DPYD: variants seen among roughly 807,000 people sequenced by gnomAD.
DPYD encodes dihydropyrimidine dehydrogenase [NADP(+)].
DPYD carries 109 observed loss-of-function variants against 116.2 expected under a neutral mutation model. The observed-to-expected ratio is 0.94, with a 90% confidence interval of 0.80 to 1.10. DPYD has a LOEUF of 1.10. Among genes scored for constraint, DPYD ranks in the 50% least tolerant of loss-of-function variants. DPYD has a pLI of 0.00. For synonymous variants in DPYD, 440 were observed against 432.0 expected, an observed-to-expected ratio of 1.02 and a Z score of -0.23; for missense variants, 1,302 against 1,254.5, an observed-to-expected ratio of 1.04 and a Z score of -0.57.
At chr1:97,298,757 C>T (rs112527947) in intron 18 of DPYD, among the ~76,000 whole-genome samples, 5 of 152,198 alleles carry the variant, frequency 3.3e-5, no homozygotes, top group African/African-American at 1.2e-4. Flanking sequence ...TCCAGTCATG[C>T]TCTCCTTTCC....
At chr1:97,212,789 A>G (rs1486038320) in intron 19 of DPYD, among the ~76,000 whole-genome samples, 2 of 152,134 alleles carry the variant, frequency 1.3e-5, no homozygotes, top group Non-Finnish European at 2.9e-5. Context: ...AACATAGTGT[A>G]CCGGTTAAAA....
rs1670893906 is a variant in DPYD at position 97,857,328 on chromosome 1, T to G, written c.150+25936A>C. The stretch of plus-strand genomic sequence containing the variant: ...CCTAAAATCCTTGGAATCTCCAAAG[T>G]GCTTTCTTTTTGTATATTAATGTTG... On this transcript the variant is annotated intron_variant, in intron 2 of 22. Coordinates refer to ENST00000370192, the MANE Select transcript of DPYD (RefSeq NM_000110.4). Among the ~76,000 whole-genome samples the G allele has an allele frequency of 1.3e-5, 2 of 152,180 alleles. 1 individual carries two copies. The highest frequency in any genetic ancestry group is 3.9e-4 in the East Asian group (2 of 5,184).
At chr1:97,698,691 T>G (rs889940031) in intron 6 of DPYD, among the ~76,000 whole-genome samples, 1 of 151,940 alleles carries the variant, frequency 6.6e-6, no homozygotes, top group African/African-American at 2.4e-5. Flanking sequence ...TTCTTTATTT[T>G]GTATAAAATG....
intron 13 of DPYD, among the ~76,000 whole-genome samples, chr1:97,504,535 A>C (rs965002387): frequency 6.6e-6 from 1 of 152,018 alleles, no homozygotes; most frequent in Non-Finnish European, 1.5e-5. Flanking sequence ...CTAGAGAGCA[A>C]GCTATGACCA....
At chr1:97,766,641 A>G (rs1665872619) in intron 3 of DPYD, among the ~76,000 whole-genome samples, 1 of 152,160 alleles carries the variant, frequency 6.6e-6, no homozygotes, top group Non-Finnish European at 1.5e-5. Context: ...GGGTGCTTCT[A>G]GAAATCTTAA....
intron 18 of DPYD, among the ~76,000 whole-genome samples, chr1:97,235,478 A>G (rs1970142): frequency 0.74 from 112,524 of 151,984 alleles, 43,058 homozygotes; most frequent in East Asian, 0.99. Context: ...ATAAACATTA[A>G]CCAGGCGTGG....
At chr1:97,295,830 T>C (rs1359512525) in intron 18 of DPYD, 4 of 871,998 alleles carry the variant, frequency 4.6e-6, no homozygotes, top group Non-Finnish European at 5.5e-6. Context: ...TAAAGTTGTG[T>C]GAAGATTAAG....
chr1:97,677,101 A>G (rs1424860645), intron 8 of DPYD, among the ~76,000 whole-genome samples: 1 of 152,132 alleles, frequency 6.6e-6, no homozygotes, highest in African/African-American at 2.4e-5. Context: ...AAGCTGAAAC[A>G]CTATTGATTA....
At chr1:97,165,155 A>G (rs1434947847) in intron 20 of DPYD, among the ~76,000 whole-genome samples, 2 of 152,196 alleles carry the variant, frequency 1.3e-5, no homozygotes, top group African/African-American at 2.4e-5. Context: ...AGCTGGAAGC[A>G]TCAAGTTACC....
Position 97,193,463 on chromosome 1 carries a change from C to A in DPYD, c.2443-215G>T, listed in dbSNP as rs41313397. ...AGGGACAATGAACATTTTTCATAAA[C>A]TTGCAATGGTAATGGTGTCACAGGT... On this transcript the variant is annotated intron_variant, in intron 19 of 22. Coordinates refer to ENST00000370192, the MANE Select transcript of DPYD (RefSeq NM_000110.4). Among the ~76,000 whole-genome samples the A allele has an allele frequency of 4.1e-3, 622 of 152,220 alleles. 1 individual carries two copies. Among genetic ancestry groups the A allele is most frequent in the Middle Eastern group, 0.014 (4 of 294 alleles).
At chr1:97,224,371 A>C (rs1221970689) in intron 19 of DPYD, among the ~76,000 whole-genome samples, 1 of 152,046 alleles carries the variant, frequency 6.6e-6, no homozygotes, top group East Asian at 1.9e-4. Flanking sequence ...GATTCATTGA[A>C]GCATTTTATC....
At chr1:97,397,956 T>A (rs553129528) in intron 14 of DPYD, among the ~76,000 whole-genome samples, 125 of 147,786 alleles carry the variant, frequency 8.5e-4, no homozygotes, top group South Asian at 3.9e-3. Context: ...TTTTTTTTTT[T>A]AAATTATACT....
At chr1:97,365,659 G>A (rs1380197578) in intron 16 of DPYD, among the ~76,000 whole-genome samples, 1 of 152,106 alleles carries the variant, frequency 6.6e-6, no homozygotes, top group East Asian at 1.9e-4. Flanking sequence ...TGTTTTTCCT[G>A]TAACATTCAC....
intron 8 of DPYD, among the ~76,000 whole-genome samples, chr1:97,607,300 C>A (rs537418434): frequency 6.6e-6 from 1 of 151,856 alleles, no homozygotes; most frequent in Non-Finnish European, 1.5e-5. Context: ...ATAGCCTATA[C>A]GTCCTTCTCT....
intron 16 of DPYD, among the ~76,000 whole-genome samples, chr1:97,316,297 C>G (rs979479348): frequency 6.6e-6 from 1 of 151,146 alleles, no homozygotes; most frequent in African/African-American, 2.4e-5. Flanking sequence ...CAAGACCACC[C>G]TGGCCCACAT....
chr1:97,717,187 T>G (rs1662662162), intron 5 of DPYD, among the ~76,000 whole-genome samples: 1 of 152,126 alleles, frequency 6.6e-6, no homozygotes, highest in Non-Finnish European at 1.5e-5. Flanking sequence ...GTTAATTATT[T>G]ATTGTATATT....
At chr1:97,874,339 T>C (rs906814771) in intron 2 of DPYD, among the ~76,000 whole-genome samples, 1 of 151,976 alleles carries the variant, frequency 6.6e-6, no homozygotes, top group Non-Finnish European at 1.5e-5. Context: ...TTTGTGTACA[T>C]TAAACATATC....
intron 3 of DPYD, among the ~76,000 whole-genome samples, chr1:97,815,034 G>C (rs1480120081): frequency 6.8e-6 from 1 of 146,878 alleles, no homozygotes; most frequent in Non-Finnish European, 1.5e-5. Flanking sequence ...GAGGAAGGAA[G>C]GAAGGAGAGA....
chr1:97,097,345 G>A lies in DPYD; in HGVS notation c.2766+1144C>T, dbSNP rs140784045. ...TTTTTTTTTTCTTCATAGGTAGAAG[G>A]AATTTTTAAGGGTTCCAGTCTCCAG... On this transcript the variant is annotated intron_variant, in intron 21 of 22. Transcript: ENST00000370192. Among the ~76,000 whole-genome samples, 1,020 of 152,152 alleles carry A rather than the reference G, an allele frequency of 6.7e-3. 11 individuals carry two copies. The highest frequency in any genetic ancestry group is 0.023 in the African/African-American group (967 of 41,524).
Sources: allele counts gnomAD v4.1 joint callset (sites outside exome capture counted in the v4.1 genomes callset), GRCh38; gene constraint gnomAD v4.1.1; transcripts MANE v1.5; gene names NCBI Gene and HGNC (gene_info 2026-07-23, HGNC 2026-07-21).